Variants in ARHGAP31 observed in about 807,000 individuals in gnomAD.
ARHGAP31 encodes Rho GTPase activating protein 31, also known as rho GTPase-activating protein 31.
ARHGAP31 carries 34 observed loss-of-function variants against 113.9 expected under a neutral mutation model. The observed-to-expected ratio is 0.30, with a 90% confidence interval of 0.23 to 0.40. ARHGAP31 has a LOEUF of 0.40. Ranked by LOEUF, ARHGAP31 falls within the 10% of genes least tolerant of loss-of-function variation. The pLI is 1.00. For synonymous variants in ARHGAP31, 650 were observed against 684.8 expected (o/e 0.95, Z 0.79); for missense variants, 1,548 against 1,767.1 (o/e 0.88, Z 2.22).
intron 3 of ARHGAP31, among the ~76,000 whole-genome samples, chr3:119,373,869 A>C (rs2080324406): frequency 6.6e-6 from 1 of 152,340 alleles, no homozygotes; most frequent in East Asian, 1.9e-4. Context: ...CATATTCTTT[A>C]ATCCAGTAAC....
At chr3:119,325,677 G>A (rs2079835257) in intron 1 of ARHGAP31, among the ~76,000 whole-genome samples, 1 of 152,110 alleles carries the variant, frequency 6.6e-6, no homozygotes, top group African/African-American at 2.4e-5. Context: ...AGGGGGGGAC[G>A]GAAATGACTT....
chr3:119,365,289 A>AT (rs1559980903), intron 1 of ARHGAP31, 27 bp from the exon 2 acceptor site: 1 of 1,585,032 alleles, frequency 6.3e-7, no homozygotes. Context: ...CTAATACTTA[A>AT]TTGTTTTTTT....
chr3:119,330,541 C>T (rs560528766), intron 1 of ARHGAP31, among the ~76,000 whole-genome samples: 1 of 151,904 alleles, frequency 6.6e-6, no homozygotes, highest in Non-Finnish European at 1.5e-5. Context: ...TTCTTTCCAC[C>T]ATCAATTAGT....
chr3:119,317,388 C>T lies in ARHGAP31; in HGVS notation c.100+22384C>T, dbSNP rs560593092. Among the ~76,000 whole-genome samples, 3 of 152,238 alleles carry T rather than the reference C, an allele frequency of 2.0e-5. No individual in the cohort carries two copies. In the East Asian group the frequency reaches 5.8e-4, roughly 29 times the overall value. On this transcript the variant is annotated intron_variant, in intron 1 of 11. Transcript: ENST00000264245. ...AGAGACGGGGTTTCACCGTGTTAGC[C>T]AGGATGGTCTCGATCTCCTGACCTC... is the stretch of plus-strand genomic sequence containing the variant.
chr3:119,297,792 C>T (rs1419746793), intron 1 of ARHGAP31, among the ~76,000 whole-genome samples: 1 of 152,138 alleles, frequency 6.6e-6, no homozygotes, highest in East Asian at 1.9e-4. Context: ...ACAAACCTGA[C>T]AAGGCTGGGT....
At chr3:119,365,592 A>G (rs1461888982) in intron 2 of ARHGAP31, among the ~76,000 whole-genome samples, 174 bp downstream of exon 2, 1 of 152,248 alleles carries the variant, frequency 6.6e-6, no homozygotes, top group Non-Finnish European at 1.5e-5. Context: ...TCTAATCAGG[A>G]AACCCTCCAG....
At position 119,327,492 on chromosome 3, in the gene ARHGAP31, C is replaced by T. The variant is rs1367079683; in HGVS notation, c.100+32488C>T. 7.2e-5 allele frequency among the ~76,000 whole-genome samples: 11 copies of T among 151,896 alleles called. No homozygotes were observed. The East Asian group carries it at 2.2e-3, about 30-fold the overall frequency. ...CCCAGGAGGCGGAGGTTGCAGTGAG[C>T]CGAGATCATGCCACTGTACTCCAGC... On this transcript the variant is annotated intron_variant, in intron 1 of 11. Transcript: ENST00000264245.
At chr3:119,378,143 G>A (rs1029484856) in intron 3 of ARHGAP31, among the ~76,000 whole-genome samples, 5 of 152,078 alleles carry the variant, frequency 3.3e-5, no homozygotes, top group Admixed American at 6.5e-5. Context: ...TTAACCATTA[G>A]CCATCTTGGC....
chr3:119,361,264 C>T (rs2080203728), intron 1 of ARHGAP31, among the ~76,000 whole-genome samples: 1 of 152,184 alleles, frequency 6.6e-6, no homozygotes. Context: ...CTCCTACCAC[C>T]TGCCTCCCTA....
At chr3:119,299,579 C>G (rs77929446) in intron 1 of ARHGAP31, among the ~76,000 whole-genome samples, 6,220 of 152,232 alleles carry the variant, frequency 0.041, 369 homozygotes, top group African/African-American at 0.13. Flanking sequence ...TGTGACTCTT[C>G]TACATTTCTG....
intron 3 of ARHGAP31, 129 bp downstream of exon 3, chr3:119,368,645 G>A: frequency 8.1e-7 from 1 of 1,239,180 alleles, no homozygotes; most frequent in Non-Finnish European, 1.1e-6. Context: ...GGTGAGGGAA[G>A]TAGGATAATA....
intron 6 of ARHGAP31, among the ~76,000 whole-genome samples, chr3:119,386,384 CCA>C (rs1004080494): frequency 3.9e-5 from 6 of 152,154 alleles, no homozygotes; most frequent in Non-Finnish European, 8.8e-5. Flanking sequence ...GGCCCATACA[CCA>C]CAGTCAGCAC....
intron 10 of ARHGAP31, 100 bp downstream of exon 10, chr3:119,402,497 G>A: frequency 3.0e-6 from 4 of 1,313,168 alleles, no homozygotes; most frequent in Non-Finnish European, 4.3e-6. Context: ...GGTTAAGCCT[G>A]TGGGCTCTAG....
intron 1 of ARHGAP31, among the ~76,000 whole-genome samples, chr3:119,321,281 A>ATATATATATATATAGTATATATATATAG (rs965262668): frequency 1.4e-4 from 8 of 55,610 alleles, no homozygotes; most frequent in South Asian, 5.7e-4. Context: ...TATATATACT[A>ATATATATATATATAGTATATATATATAG]TATATATATA....
At chr3:119,333,240 T>C (rs188002547) in intron 1 of ARHGAP31, among the ~76,000 whole-genome samples, 16 of 152,338 alleles carry the variant, frequency 1.1e-4, no homozygotes, top group Non-Finnish European at 5.9e-5. Context: ...GACTCTGAAT[T>C]TTCATTAATA....
At chr3:119,354,476 TTGTGTGTGTG>T (rs5852200) in intron 1 of ARHGAP31, among the ~76,000 whole-genome samples, 83 of 147,946 alleles carry the variant, frequency 5.6e-4, no homozygotes, top group African/African-American at 1.8e-3. Flanking sequence ...TGTGTGTGGT[TTGTGTGTGTG>T]TGTGTGTGTG....
chr3:119,393,363 G>A, intron 7 of ARHGAP31, 104 bp from the exon 8 acceptor site: 1 of 1,410,044 alleles, frequency 7.1e-7, no homozygotes. Flanking sequence ...AAATATCAGA[G>A]CCATTCATAA....
In ARHGAP31 at chr3:119,414,705, G is replaced by A. The variant is rs536388425; in HGVS notation, c.2776G>A (p.Ala926Thr). The change falls in exon 12 of 12, where the codon GCG (alanine) becomes ACG (threonine). Residue 926 changes from alanine to threonine, a missense_variant. Transcript: ENST00000264245. ...CCTTCACTCTCCCACCCTGAAAGAC[G>A]CGCACAAGGCCCAGGTACAGGGCCT... ...SPLHSPTLKD[A>T]HKAQVQGLQG... 1.4e-5 allele frequency: 22 copies of A among 1,614,144 alleles called. No individual in the cohort carries two copies. Among genetic ancestry groups the A allele is most frequent in the African/African-American group, 4.0e-5 (3 of 75,020 alleles).
chr3:119,329,396 C>A (rs2107606370), intron 1 of ARHGAP31, among the ~76,000 whole-genome samples: 1 of 152,314 alleles, frequency 6.6e-6, no homozygotes, highest in South Asian at 2.1e-4. Flanking sequence ...TCTGTGAAAT[C>A]TTTGGAGCCT....
Sources: gnomAD v4.1 joint callset for allele counts (sites outside exome capture counted in the v4.1 genomes callset) on GRCh38, gnomAD v4.1.1 for gene constraint, MANE v1.5 for transcripts, NCBI Gene and HGNC (gene_info 2026-07-23, HGNC 2026-07-21) for gene names.